TNKS2: variants seen among roughly 807,000 people sequenced by gnomAD.
TNKS2 encodes the protein tankyrase 2, also known as poly [ADP-ribose] polymerase tankyrase-2.
Under a neutral mutation model 137.6 loss-of-function variants are expected in TNKS2, and 72 were observed. The observed-to-expected ratio is 0.52, with a 90% confidence interval of 0.43 to 0.64. The LOEUF (loss-of-function observed/expected upper bound fraction) is 0.64, where lower values mean the gene tolerates loss of function less well. Ranked by LOEUF, TNKS2 falls within the 30% of genes least tolerant of loss-of-function variation. The pLI is 0.00. For missense variants in TNKS2, 1,049 were observed against 1,410.2 expected (o/e 0.74, Z 4.10); for synonymous variants, 516 against 512.1 (o/e 1.01, Z -0.10).
At chr10:91,807,568 A>T (rs1844366246) in intron 1 of TNKS2, 3 of 838,394 alleles carry the variant, frequency 3.6e-6, no homozygotes, top group Non-Finnish European at 5.9e-6. Context: ...TACTTCTCAG[A>T]CTCCTTTTCA....
intron 23 of TNKS2, among the ~76,000 whole-genome samples, chr10:91,857,068 G>C (rs1189012446): frequency 1.3e-5 from 2 of 152,098 alleles, no homozygotes; most frequent in African/African-American, 2.4e-5. Flanking sequence ...TGGGGAAAAA[G>C]GATATTCTTC....
At chr10:91,802,443 G>A (rs2133582378) in intron 1 of TNKS2, among the ~76,000 whole-genome samples, 1 of 152,332 alleles carries the variant, frequency 6.6e-6, no homozygotes, top group South Asian at 2.1e-4. Context: ...CAAGGGGTCA[G>A]ACAACCTTTA....
At position 91,845,761 on chromosome 10, in the gene TNKS2, G is replaced by A; in HGVS notation, c.2179G>A (p.Val727Ile). Reference protein sequence around the residue: ...HNAASYGHVDVAALLIKYNAC... With the variant: ...HNAASYGHVDIAALLIKYNAC... ...GTATTTTCTTTTACAGCATGTAGAT[G>A]TAGCAGCTCTACTAATAAAGTATAA... The change falls in exon 18 of 27, where the codon GTA becomes ATA. Residue 727 changes from valine (V) to isoleucine (I), a missense_variant. Val to Ile is a conservative substitution (Grantham distance 29). Transcript: ENST00000371627. The A allele has an allele frequency of 6.5e-7, 1 of 1,533,868 alleles. No individual in the cohort carries two copies. Among genetic ancestry groups the A allele is most frequent in the Non-Finnish European group, 8.9e-7 (1 of 1,128,946 alleles).
rs190428414 is a variant in TNKS2 at position 91,798,632 on chromosome 10, G to T, written c.-59G>T. Reference sequence around the variant, plus strand: ...GGGGGCCTCGCCCTCCTGCTCGCGGGGCCGGGGCTCCTGCTCCGGTTGCTG... The same window carrying T: ...GGGGGCCTCGCCCTCCTGCTCGCGGTGCCGGGGCTCCTGCTCCGGTTGCTG... On this transcript the variant is annotated 5_prime_UTR_variant, in exon 1 of 27. Coordinates refer to ENST00000371627, the MANE Select transcript of TNKS2 (RefSeq NM_025235.4). The T allele has an allele frequency of 6.8e-5, 82 of 1,210,926 alleles. No homozygotes were observed. The African/African-American group carries it at 1.1e-3, about 16-fold the overall frequency. 75.0% of individuals were successfully genotyped at this position (1,210,926 alleles called of 1,614,324 possible).
Position 91,798,577 on chromosome 10 carries a change from G to C in TNKS2, c.-114G>C, listed in dbSNP as rs1390666033. ...GGATCCGGTGACAGCAGGGAGCCAA[G>C]CGGCCCGGGCCCTGAGCGCGTCTTC... On this transcript the variant is annotated 5_prime_UTR_variant, in exon 1 of 27. Coordinates refer to ENST00000371627, the MANE Select transcript of TNKS2 (RefSeq NM_025235.4). 1.3e-5 allele frequency: 15 copies of C among 1,155,408 alleles called. No individual in the cohort carries two copies. The South Asian group carries it at 5.3e-4, about 41-fold the overall frequency. 71.6% of individuals were successfully genotyped at this position (1,155,408 alleles called of 1,614,324 possible).
chr10:91,854,537 A>T (rs989209872), intron 21 of TNKS2, among the ~76,000 whole-genome samples: 2 of 152,190 alleles, frequency 1.3e-5, no homozygotes, highest in Admixed American at 6.5e-5. Flanking sequence ...AAGTGGGTGA[A>T]GGGTACATAG....
intron 12 of TNKS2, among the ~76,000 whole-genome samples, chr10:91,834,874 T>A (rs1046030364): frequency 2.0e-5 from 3 of 152,252 alleles, no homozygotes; most frequent in Non-Finnish European, 4.4e-5. Flanking sequence ...CTTGTCAGTT[T>A]TATGCTAAGT....
chr10:91,856,539 G>A (rs1412564799), intron 23 of TNKS2, among the ~76,000 whole-genome samples: 1 of 152,170 alleles, frequency 6.6e-6, no homozygotes, highest in Non-Finnish European at 1.5e-5. Context: ...AATGTGTGGA[G>A]TTTTGTTAGG....
At chr10:91,802,004 T>C (rs956963210) in intron 1 of TNKS2, among the ~76,000 whole-genome samples, 1 of 152,144 alleles carries the variant, frequency 6.6e-6, no homozygotes, top group Non-Finnish European at 1.5e-5. Context: ...ATCATAGAAA[T>C]GAAAGAAATA....
chr10:91,815,162 G>A (rs999759664), intron 2 of TNKS2, among the ~76,000 whole-genome samples: 2 of 152,198 alleles, frequency 1.3e-5, no homozygotes, highest in East Asian at 3.8e-4. Flanking sequence ...AACAGGGACA[G>A]TTGAAATCCT....
chr10:91,837,391 T>C (rs1842058272), intron 13 of TNKS2, among the ~76,000 whole-genome samples: 1 of 152,226 alleles, frequency 6.6e-6, no homozygotes, highest in African/African-American at 2.4e-5. Context: ...TCTTCTGATT[T>C]CTTCATTTCT....
chr10:91,798,711 C>G lies in TNKS2; in HGVS notation c.21C>G (p.Ala7=), dbSNP rs1844051372. The change falls in exon 1 of 27, where the codon GCC becomes GCG. Residue 7 remains alanine (A), a synonymous_variant. Transcript: ENST00000371627. MSGRRC[A]GGGAACASAA... Reference sequence around the variant, plus strand: ...GGATCATGTCGGGTCGCCGCTGCGCCGGCGGGGGAGCGGCCTGCGCGAGCG... The same window carrying G: ...GGATCATGTCGGGTCGCCGCTGCGCGGGCGGGGGAGCGGCCTGCGCGAGCG... The G allele has an allele frequency of 2.4e-6, 3 of 1,235,748 alleles. No homozygotes were observed. Among genetic ancestry groups the G allele is most frequent in the Non-Finnish European group, 2.0e-6 (2 of 985,786 alleles). 76.5% of individuals were successfully genotyped at this position (1,235,748 alleles called of 1,614,324 possible).
At chr10:91,833,641 T>G (rs1841893179) in intron 11 of TNKS2, among the ~76,000 whole-genome samples, 1 of 152,212 alleles carries the variant, frequency 6.6e-6, no homozygotes, top group Non-Finnish European at 1.5e-5. Context: ...CATCTCGCAT[T>G]TAACCCAAAA....
intron 7 of TNKS2, among the ~76,000 whole-genome samples, chr10:91,824,051 A>C (rs1844992473): frequency 6.6e-6 from 1 of 152,218 alleles, no homozygotes; most frequent in Non-Finnish European, 1.5e-5. Context: ...TTGGACTTAA[A>C]GACAACTGAG....
chr10:91,810,377 C>CA (rs765618852), intron 1 of TNKS2, among the ~76,000 whole-genome samples: 2 of 127,422 alleles, frequency 1.6e-5, no homozygotes, highest in Non-Finnish European at 3.3e-5. Flanking sequence ...GACTCTGTCT[C>CA]AAAAAACAAA....
At chr10:91,839,746 A>C (rs1842151374) in intron 13 of TNKS2, among the ~76,000 whole-genome samples, 1 of 152,234 alleles carries the variant, frequency 6.6e-6, no homozygotes, top group South Asian at 2.1e-4. Flanking sequence ...CCCAATGCAC[A>C]TTAAAGTTTG....
chr10:91,848,416 A>G lies in TNKS2; in HGVS notation c.2392A>G (p.Met798Val). The G allele has an allele frequency of 5.0e-6, 8 of 1,614,212 alleles. No homozygotes were observed. Among genetic ancestry groups the G allele is most frequent in the Non-Finnish European group, 6.8e-6 (8 of 1,180,020 alleles). Residue 798 changes from methionine to valine, a missense_variant, in exon 19 of 27, where the codon ATG (methionine) becomes GTG (valine). By Grantham distance (21) the Met-to-Val change is conservative. This residue lies in a region of TNKS2 where 208 missense variants were observed against 231.2 expected (regional missense o/e 0.90). Coordinates refer to ENST00000371627, the MANE Select transcript of TNKS2 (RefSeq NM_025235.4). ...DDVSALLTAA[M>V]PPSALPSCYK... is the part of the protein sequence containing the mutation. ...TGTCAGCGCTCTTCTGACAGCAGCC[A>G]TGCCCCCATCTGCTCTGCCCTCTTG...
At chr10:91,800,678 T>TA (rs141959484) in intron 1 of TNKS2, among the ~76,000 whole-genome samples, 1,536 of 152,258 alleles carry the variant, frequency 0.01, 15 homozygotes, top group African/African-American at 0.035. Context: ...GATTAAGAGT[T>TA]AAAGGTATAA....
At chr10:91,859,731 G>A in intron 25 of TNKS2, 83 bp downstream of exon 25, 1 of 1,196,984 alleles carries the variant, frequency 8.4e-7, no homozygotes, top group Non-Finnish European at 1.2e-6. Context: ...CATTATGTTG[G>A]ACAGTCTTAG....
Sources: allele counts gnomAD v4.1 joint callset (sites outside exome capture counted in the v4.1 genomes callset), GRCh38; gene constraint gnomAD v4.1.1; regional missense constraint gnomAD v4.1.1; transcripts MANE v1.5; gene names NCBI Gene and HGNC (gene_info 2026-07-23, HGNC 2026-07-21).